The following GRIP1 variants were observed in gnomAD, a reference collection of about 807,000 sequenced individuals.
GRIP1 encodes the protein glutamate receptor-interacting protein 1.
GRIP1 carries 45 observed loss-of-function variants against 129.9 expected under a neutral mutation model. That is an observed-to-expected ratio of 0.35 (90% CI 0.27 to 0.44). GRIP1 has a LOEUF of 0.44. Ranked by LOEUF, GRIP1 falls within the 20% of genes least tolerant of loss-of-function variation. GRIP1 has a pLI of 1.00. For missense variants in GRIP1, 1,196 were observed against 1,396.8 expected (o/e 0.86, Z 2.29); for synonymous variants, 530 against 520.8 (o/e 1.02, Z -0.24).
intron 1 of GRIP1, among the ~76,000 whole-genome samples, chr12:66,706,008 G>A (rs899534932): frequency 6.6e-6 from 1 of 152,130 alleles, no homozygotes; most frequent in African/African-American, 2.4e-5. Flanking sequence ...AAGACTTCAT[G>A]ACAAAAACAC....
At chr12:67,019,270 CT>C (rs1252747462) in intron 1 of GRIP1, among the ~76,000 whole-genome samples, 1 of 152,180 alleles carries the variant, frequency 6.6e-6, no homozygotes, top group African/African-American at 2.4e-5. Context: ...TGCTTAGCAG[CT>C]GCACAATGCA....
At chr12:66,377,540 C>T (rs1384541408) in intron 20 of GRIP1, among the ~76,000 whole-genome samples, 14 of 150,018 alleles carry the variant, frequency 9.3e-5, no homozygotes, top group African/African-American at 3.2e-4. Context: ...AGGGTTTCAC[C>T]GTTTTAGCCA....
intron 1 of GRIP1, among the ~76,000 whole-genome samples, chr12:66,662,580 T>C (rs1270376573): frequency 6.6e-6 from 1 of 152,188 alleles, no homozygotes; most frequent in East Asian, 1.9e-4. Context: ...TATTTCATGA[T>C]GCATTTTCCA....
At chr12:66,442,288 G>A (rs1242558488) in intron 13 of GRIP1, among the ~76,000 whole-genome samples, 1 of 151,962 alleles carries the variant, frequency 6.6e-6, no homozygotes, top group East Asian at 1.9e-4. Flanking sequence ...AGCCCTTTTT[G>A]TTGTTTCTCC....
At chr12:66,617,918 G>A (rs560117706) in intron 1 of GRIP1, among the ~76,000 whole-genome samples, 4 of 151,886 alleles carry the variant, frequency 2.6e-5, no homozygotes, top group Admixed American at 2.6e-4. Flanking sequence ...CATTTCAGGT[G>A]GGAATATGAT....
intron 1 of GRIP1, among the ~76,000 whole-genome samples, chr12:66,603,851 GATCT>G (rs535496077): frequency 1.3e-5 from 2 of 152,134 alleles, no homozygotes; most frequent in Non-Finnish European, 2.9e-5. Flanking sequence ...GGAGTAACTA[GATCT>G]ATCTAAGGTC....
At chr12:66,735,526 C>T (rs1351275067) in intron 1 of GRIP1, among the ~76,000 whole-genome samples, 2 of 152,034 alleles carry the variant, frequency 1.3e-5, no homozygotes, top group Non-Finnish European at 2.9e-5. Context: ...CTTCTTACTG[C>T]CTGGAGTCAT....
intron 1 of GRIP1, among the ~76,000 whole-genome samples, chr12:66,824,892 T>C (rs1302784638): frequency 6.6e-6 from 1 of 152,194 alleles, no homozygotes; most frequent in African/African-American, 2.4e-5. Flanking sequence ...TTACTTCATG[T>C]TGGACTTTCA....
At chr12:66,880,832 T>C (rs1183292784) in intron 1 of GRIP1, among the ~76,000 whole-genome samples, 1 of 152,126 alleles carries the variant, frequency 6.6e-6, no homozygotes, top group African/African-American at 2.4e-5. Context: ...AAATCAAACA[T>C]ACTTTTGTTA....
chr12:66,922,536 A>G (rs919430790), intron 1 of GRIP1, among the ~76,000 whole-genome samples: 1 of 152,246 alleles, frequency 6.6e-6, no homozygotes, highest in Non-Finnish European at 1.5e-5. Flanking sequence ...TGAAATATCC[A>G]GTCTTTTTCT....
At chr12:66,915,999 C>T (rs1368751293) in intron 1 of GRIP1, among the ~76,000 whole-genome samples, 1 of 152,174 alleles carries the variant, frequency 6.6e-6, no homozygotes, top group African/African-American at 2.4e-5. Context: ...AGGGCTGAAG[C>T]ATGCTTTTGT....
At chr12:66,505,263 G>A (rs375069309) in intron 7 of GRIP1, among the ~76,000 whole-genome samples, 4 of 152,266 alleles carry the variant, frequency 2.6e-5, no homozygotes, top group South Asian at 2.1e-4. Context: ...TCAATGAACC[G>A]TTGCTGTCTT....
chr12:66,664,472 G>C (rs1248385963), intron 1 of GRIP1, among the ~76,000 whole-genome samples: 2 of 152,018 alleles, frequency 1.3e-5, no homozygotes, highest in African/African-American at 4.8e-5. Flanking sequence ...TTCATTAATG[G>C]GCAATGAGAT....
At chr12:66,792,441 G>T (rs961839578) in intron 1 of GRIP1, among the ~76,000 whole-genome samples, 7 of 152,048 alleles carry the variant, frequency 4.6e-5, no homozygotes, top group African/African-American at 1.4e-4. Context: ...TGGGCATGGT[G>T]GCTCACACCT....
At chr12:66,977,514 G>C (rs2042171546) in intron 1 of GRIP1, among the ~76,000 whole-genome samples, 1 of 152,072 alleles carries the variant, frequency 6.6e-6, no homozygotes, top group South Asian at 2.1e-4. Context: ...CCCTAGATTA[G>C]GAACTGGCAC....
chr12:66,657,704 C>T (rs1206735145), intron 1 of GRIP1, among the ~76,000 whole-genome samples: 1 of 152,162 alleles, frequency 6.6e-6, no homozygotes, highest in Non-Finnish European at 1.5e-5. Flanking sequence ...ACTTAATTTC[C>T]AGCCCTGACG....
At chr12:66,385,306 C>T (rs1309490471) in intron 19 of GRIP1, among the ~76,000 whole-genome samples, 5 of 152,040 alleles carry the variant, frequency 3.3e-5, no homozygotes, top group East Asian at 1.9e-4. Flanking sequence ...GAGGCTGAGG[C>T]GGGCAGATCA....
intron 1 of GRIP1, among the ~76,000 whole-genome samples, chr12:67,061,336 G>A (rs1357887662): frequency 1.3e-5 from 2 of 152,150 alleles, no homozygotes; most frequent in African/African-American, 4.8e-5. Flanking sequence ...TCACCTCTAA[G>A]TATAAACCCC....
chr12:66,349,212 C>T lies in GRIP1; in HGVS notation c.3194G>A (p.Cys1065Tyr). The T allele has an allele frequency of 6.2e-7, 1 of 1,614,114 alleles. No homozygotes were observed. Residue 1065 changes from cysteine (C) to tyrosine (Y), a missense_variant, in exon 25 of 25, where the codon TGC becomes TAC. Coordinates refer to ENST00000359742, the MANE Select transcript of GRIP1 (RefSeq NM_001366722.1). ...TTCTGCTATGAGGGGCACAACAAGG[C>T]AGCAGTCAAAGTCTCTGGTTCGGAC... is the stretch of plus-strand genomic sequence containing the variant. ...NHVRTRDFDCCLVVPLIAESG... is the reference protein window; with the variant it reads ...NHVRTRDFDCYLVVPLIAESG...
Sources: gnomAD v4.1 joint callset for allele counts (sites outside exome capture counted in the v4.1 genomes callset) on GRCh38, gnomAD v4.1.1 for gene constraint, MANE v1.5 for transcripts, NCBI Gene and HGNC (gene_info 2026-07-23, HGNC 2026-07-21) for gene names.